Variants in MRPL34 observed in about 807,000 individuals in gnomAD.
MRPL34 encodes the protein large ribosomal subunit protein bL34m.
MRPL34 carries 8 observed loss-of-function variants against 6.7 expected under a neutral mutation model. The ratio of observed to expected loss-of-function variants is 1.20; its 90% CI spans 0.70 to 2.16. The LOEUF (loss-of-function observed/expected upper bound fraction) is 2.16, where lower values mean the gene tolerates loss of function less well. MRPL34 is among the 30% of genes most tolerant of loss of function. The pLI is 0.00. For synonymous variants in MRPL34, 59 were observed against 55.1 expected, an observed-to-expected ratio of 1.07 and a Z score of -0.31; for missense variants, 146 against 125.5, an observed-to-expected ratio of 1.16 and a Z score of -0.78.
At chr19:17,294,012 C>T (rs2074082225) in intron 1 of MRPL34, among the ~76,000 whole-genome samples, 1 of 152,118 alleles carries the variant, frequency 6.6e-6, no homozygotes, top group African/African-American at 2.4e-5. Flanking sequence ...GTGAGGAGAG[C>T]CTTCTTACAG....
intron 1 of MRPL34, among the ~76,000 whole-genome samples, chr19:17,293,679 T>C (rs2074080718): frequency 7.7e-6 from 1 of 129,656 alleles, no homozygotes. Flanking sequence ...AGTTATACTT[T>C]AATGGTTTTT....
chr19:17,306,250 G>A lies in MRPL34; in HGVS notation c.150G>A (p.Gly50=). The stretch of plus-strand genomic sequence containing the variant: ...AGCAGGCCCGGGGCAAGGCTCGCGG[G>A]AATGAGTATCAGCCGAGCAACATCA... ...TPQQARGKAR[G]NEYQPSNIKR... Residue 50 remains glycine, a synonymous_variant, in exon 2 of 2, where the codon GGG becomes GGA. Coordinates refer to ENST00000252602, the MANE Select transcript of MRPL34 (RefSeq NM_023937.4). The A allele has an allele frequency of 6.3e-7, 1 of 1,593,652 alleles. No individual in the cohort carries two copies. Among genetic ancestry groups the A allele is most frequent in the East Asian group, 2.3e-5 (1 of 43,798 alleles).
chr19:17,297,286 G>GT (rs374440171), intron 1 of MRPL34, among the ~76,000 whole-genome samples: 188 of 151,812 alleles, frequency 1.2e-3, no homozygotes, highest in Middle Eastern at 3.4e-3. Flanking sequence ...GTAGGTGGGT[G>GT]TTTTTTTTGT....
rs2074149399 is a variant in MRPL34 at position 17,306,444 on chromosome 19, G to T, written c.*65G>T. 2 of 1,421,270 alleles carry T rather than the reference G, an allele frequency of 1.4e-6. No individual in the cohort carries two copies. Among genetic ancestry groups the T allele is most frequent in the South Asian group, 2.8e-5 (2 of 71,122 alleles). The allele number at this position is 1,421,270 out of a possible 1,614,324, so 88.0% of individuals were successfully genotyped here. ...GCCCTCGCCTCGGACCTTGCCTGGCGCTATTTTTGCAGGGAGCTGGGGAGC... is the reference window on the plus strand; with the variant it reads ...GCCCTCGCCTCGGACCTTGCCTGGCTCTATTTTTGCAGGGAGCTGGGGAGC... On this transcript the variant is annotated 3_prime_UTR_variant, in exon 2 of 2. Transcript: ENST00000252602.
At chr19:17,292,884 C>A in intron 1 of MRPL34, 1 of 1,568,526 alleles carries the variant, frequency 6.4e-7, no homozygotes, top group South Asian at 1.2e-5. Context: ...TGGAGAGAGG[C>A]CAGGCTTCCC....
At position 17,306,508 on chromosome 19, in the gene MRPL34, G is replaced by T; in HGVS notation, c.*129G>T. 1.2e-6 allele frequency: 1 copy of T among 847,020 alleles called. No homozygotes were observed. Among genetic ancestry groups the T allele is most frequent in the Non-Finnish European group, 1.8e-6 (1 of 565,352 alleles). 52.5% of individuals were successfully genotyped at this position (847,020 alleles called of 1,614,324 possible). A position where few individuals can be genotyped will look rare whatever the true frequency, so the allele number is the denominator to read the frequency against. On this transcript the variant is annotated 3_prime_UTR_variant, in exon 2 of 2. Coordinates refer to ENST00000252602, the MANE Select transcript of MRPL34 (RefSeq NM_023937.4). The stretch of plus-strand genomic sequence containing the variant: ...ACCTGAGTGCTCTCCATATTGTGGG[G>T]TTGAAGTCTGGATGGGAGCTTGCCA...
rs1418115249 is a variant in MRPL34 at position 17,306,019 on chromosome 19, C to T, written c.65+62C>T. 8 of 1,592,022 alleles carry T rather than the reference C, an allele frequency of 5.0e-6. No homozygotes were observed. The Admixed American group carries it at 1.3e-4, about 27-fold the overall frequency. The stretch of plus-strand genomic sequence containing the variant: ...ATAAGGGCGGCTTCGGAGGCTGGCG[C>T]CACTCTTCACTGCCCGCGTGACCTG... On this transcript the variant is annotated intron_variant, in intron 1 of 1. Coordinates refer to ENST00000252602, the MANE Select transcript of MRPL34 (RefSeq NM_023937.4).
intron 1 of MRPL34, chr19:17,294,540 G>A: frequency 6.2e-7 from 1 of 1,612,622 alleles, no homozygotes; most frequent in Non-Finnish European, 8.5e-7. Flanking sequence ...AGCCCCTTAT[G>A]CCAGCCCGAC....
At chr19:17,300,712 A>G (rs1568348272), upstream of MRPL34, 18 of 1,060,832 alleles carry the variant, frequency 1.7e-5, no homozygotes, top group African/African-American at 3.2e-5. Flanking sequence ...TCCCAACCTC[A>G]GGTGATCCGC....
At chr19:17,301,129 TCA>T (rs753121204), upstream of MRPL34, 1 of 1,612,900 alleles carries the variant, frequency 6.2e-7, no homozygotes, top group Non-Finnish European at 8.5e-7. Context: ...GATGCGCTTC[TCA>T]CAGTCAATAT....
At chr19:17,299,244 C>CCG (rs954817387), upstream of MRPL34, among the ~76,000 whole-genome samples, 1 of 148,068 alleles carries the variant, frequency 6.8e-6, no homozygotes, top group African/African-American at 2.5e-5. Context: ...ACCCCCCCCC[C>CCG]ATTCTCTATA....
At chr19:17,294,784 T>G in intron 1 of MRPL34, 3 of 1,614,246 alleles carry the variant, frequency 1.9e-6, no homozygotes, top group Non-Finnish European at 2.5e-6. Flanking sequence ...CCGCCATTGA[T>G]CATGATCACC....
upstream of MRPL34, among the ~76,000 whole-genome samples, chr19:17,300,120 G>T (rs2074110948): frequency 6.6e-6 from 1 of 151,968 alleles, no homozygotes; most frequent in Non-Finnish European, 1.5e-5. Flanking sequence ...TAGCCAGGAT[G>T]GTCTCAATCT....
intron 1 of MRPL34, among the ~76,000 whole-genome samples, chr19:17,295,398 C>G (rs2074090119): frequency 6.7e-6 from 1 of 150,114 alleles, no homozygotes; most frequent in Non-Finnish European, 1.5e-5. Context: ...TGAGCCACTG[C>G]GCCTGGCCTG....
chr19:17,301,771 T>G, upstream of MRPL34: 1 of 902,268 alleles, frequency 1.1e-6, no homozygotes, highest in Non-Finnish European at 1.5e-6. Flanking sequence ...CTGAGATTTT[T>G]TTGTTTGTGT....
intron 1 of MRPL34, 73 bp from the exon 2 acceptor site, chr19:17,306,093 G>C (rs939039196): frequency 5.0e-5 from 75 of 1,498,088 alleles, no homozygotes; most frequent in Non-Finnish European, 6.6e-5. Flanking sequence ...GGGAGCCGAG[G>C]CTCAGAGAGG....
chr19:17,300,270 AT>A (rs2074111490), upstream of MRPL34, among the ~76,000 whole-genome samples: 1 of 151,292 alleles, frequency 6.6e-6, no homozygotes, highest in African/African-American at 2.4e-5. Context: ...CAGTGGTGTG[AT>A]CACAGTTCAC....
upstream of MRPL34, chr19:17,298,497 T>C (rs2074102971): frequency 6.6e-6 from 1 of 152,160 alleles, no homozygotes; most frequent in Non-Finnish European, 1.5e-5. Flanking sequence ...CACAGTGTTC[T>C]CCAGGGCAGT....
At chr19:17,292,659 G>A (rs144620092) in exon 1 of MRPL34, 1 of 1,607,662 alleles carries the variant, frequency 6.2e-7, no homozygotes, top group African/African-American at 1.3e-5. Context: ...CCGGCCCAGC[G>A]GCTACTTCTT....
Sources: gnomAD v4.1 joint callset for allele counts (sites outside exome capture counted in the v4.1 genomes callset) on GRCh38, gnomAD v4.1.1 for gene constraint, MANE v1.5 for transcripts, NCBI Gene and HGNC (gene_info 2026-07-23, HGNC 2026-07-21) for gene names.